LIN52: variants seen among roughly 807,000 people sequenced by gnomAD.
LIN52 encodes lin-52 DREAM MuvB core complex component.
Under a neutral mutation model 18.5 loss-of-function variants are expected in LIN52, and 4 were observed. The observed-to-expected ratio is 0.22, with a 90% CI of 0.11 to 0.49. The LOEUF (loss-of-function observed/expected upper bound fraction) is 0.49, where lower values mean the gene tolerates loss of function less well. Among genes scored for constraint, LIN52 ranks in the 20% least tolerant of loss-of-function variants. The probability of loss-of-function intolerance (pLI) is 0.97; values close to 1 mark genes in which losing one functional copy is unlikely to be tolerated. For missense variants in LIN52, 102 were observed against 139.5 expected, an observed-to-expected ratio of 0.73 and a Z score of 1.35; for synonymous variants, 34 against 45.5, an observed-to-expected ratio of 0.75 and a Z score of 1.02.
chr14:74,194,906 A>T (rs1001841411), intron 5 of LIN52, among the ~76,000 whole-genome samples: 1 of 152,226 alleles, frequency 6.6e-6, no homozygotes, highest in African/African-American at 2.4e-5. Flanking sequence ...GCACTTTGGG[A>T]GGCCAAGGCG....
intron 5 of LIN52, among the ~76,000 whole-genome samples, chr14:74,147,373 A>ATATGC (rs1187875990): frequency 6.6e-6 from 1 of 152,194 alleles, no homozygotes; most frequent in Non-Finnish European, 1.5e-5. Context: ...AAGAGCTGAA[A>ATATGC]CTATAGAACA....
intron 5 of LIN52, among the ~76,000 whole-genome samples, chr14:74,176,963 G>C (rs142580237): frequency 6.7e-6 from 1 of 149,424 alleles, no homozygotes; most frequent in Non-Finnish European, 1.5e-5. Flanking sequence ...ACTATGTTTT[G>C]TTTATTCATT....
chr14:74,085,018 G>T lies in LIN52; in HGVS notation c.19+25G>T, dbSNP rs115302140. 2,788 of 1,373,996 alleles carry T rather than the reference G, an allele frequency of 2.0e-3. 47 individuals are homozygous for T. The African/African-American group carries it at 0.036, about 18-fold the overall frequency. 85.1% of individuals were successfully genotyped at this position (1,373,996 alleles called of 1,614,324 possible). ...GGTAAGAGCCGGCTTAGAGATCTTT[G>T]CCTGCAGCCTCCTTCTTTGCTCTAC... is the stretch of plus-strand genomic sequence containing the variant. On this transcript the variant is annotated intron_variant, in intron 1 of 5. Transcript: ENST00000555028.
At chr14:74,150,723 C>T (rs1394608522) in intron 5 of LIN52, among the ~76,000 whole-genome samples, 1 of 152,138 alleles carries the variant, frequency 6.6e-6, no homozygotes, top group Non-Finnish European at 1.5e-5. Context: ...AATGAATACA[C>T]TCTAAGGGCT....
At chr14:74,102,952 A>G (rs1315785486) in intron 5 of LIN52, among the ~76,000 whole-genome samples, 1 of 152,196 alleles carries the variant, frequency 6.6e-6, no homozygotes, top group East Asian at 1.9e-4. Flanking sequence ...CATATAGCCA[A>G]TCTTGTTTTA....
chr14:74,157,326 C>T (rs888900310), intron 5 of LIN52, among the ~76,000 whole-genome samples: 1 of 152,070 alleles, frequency 6.6e-6, no homozygotes, highest in Non-Finnish European at 1.5e-5. Context: ...AGCCACCACA[C>T]CTGGCCTCCA....
At chr14:74,124,699 A>T (rs1405410239) in intron 5 of LIN52, among the ~76,000 whole-genome samples, 2 of 150,640 alleles carry the variant, frequency 1.3e-5, no homozygotes, top group African/African-American at 2.4e-5. Flanking sequence ...AATCCCAGCT[A>T]CTCAGTGGGG....
Position 74,156,854 on chromosome 14 carries a change from A to G in LIN52, c.284-42068A>G, listed in dbSNP as rs76396909. On this transcript the variant is annotated intron_variant, in intron 5 of 5. Transcript: ENST00000555028. Reference sequence around the variant, plus strand: ...CACTATTCTACTCTGTACTTAGGAGATCAACTTTTTTAGCTTTTACATATG... The same window carrying G: ...CACTATTCTACTCTGTACTTAGGAGGTCAACTTTTTTAGCTTTTACATATG... Among the ~76,000 whole-genome samples the G allele has an allele frequency of 2.0e-5, 3 of 151,822 alleles. No individual in the cohort carries two copies. The South Asian group carries it at 6.2e-4, about 32-fold the overall frequency.
intron 5 of LIN52, among the ~76,000 whole-genome samples, chr14:74,149,915 G>C (rs1462096063): frequency 2.0e-5 from 3 of 152,108 alleles, no homozygotes; most frequent in Non-Finnish European, 4.4e-5. Flanking sequence ...GTCTGGAAAG[G>C]TCTTGTGTTA....
chr14:74,108,399 A>G (rs2060909595), intron 5 of LIN52, among the ~76,000 whole-genome samples: 1 of 152,176 alleles, frequency 6.6e-6, no homozygotes, highest in Admixed American at 6.6e-5. Context: ...TTATAGCTAG[A>G]GGTGGAATTC....
chr14:74,118,671 G>T (rs2060978392), intron 5 of LIN52, among the ~76,000 whole-genome samples: 1 of 152,162 alleles, frequency 6.6e-6, no homozygotes, highest in African/African-American at 2.4e-5. Flanking sequence ...CTACTTGGGA[G>T]GCTGAGGTGG....
intron 5 of LIN52, among the ~76,000 whole-genome samples, chr14:74,150,588 A>G (rs946369992): frequency 4.6e-5 from 7 of 152,128 alleles, no homozygotes; most frequent in African/African-American, 1.4e-4. Flanking sequence ...ATGATTCTCT[A>G]TGTACCTATA....
chr14:74,151,205 A>G (rs2061175535), intron 5 of LIN52, among the ~76,000 whole-genome samples: 1 of 152,224 alleles, frequency 6.6e-6, no homozygotes, highest in African/African-American at 2.4e-5. Context: ...GTGGGAATGA[A>G]GAAAAGTCAC....
At chr14:74,116,454 C>T (rs2060965245) in intron 5 of LIN52, among the ~76,000 whole-genome samples, 1 of 152,010 alleles carries the variant, frequency 6.6e-6, no homozygotes, top group Non-Finnish European at 1.5e-5. Flanking sequence ...GCCTGTAATC[C>T]CAGCACTTTG....
chr14:74,174,108 C>G (rs2061282245), intron 5 of LIN52, among the ~76,000 whole-genome samples: 1 of 152,188 alleles, frequency 6.6e-6, no homozygotes, highest in Admixed American at 6.5e-5. Flanking sequence ...ACATCTCCCA[C>G]TTTTAAAAGG....
intron 5 of LIN52, among the ~76,000 whole-genome samples, chr14:74,145,193 C>T (rs1429247082): frequency 2.0e-5 from 3 of 152,186 alleles, no homozygotes; most frequent in South Asian, 4.1e-4. Flanking sequence ...TCCATTAGAA[C>T]GTTGACTAAA....
intron 1 of LIN52, among the ~76,000 whole-genome samples, chr14:74,088,829 G>C (rs1330896185): frequency 6.6e-6 from 1 of 152,194 alleles, no homozygotes; most frequent in Non-Finnish European, 1.5e-5. Context: ...CAACTGGTTA[G>C]CATACTGAGC....
At chr14:74,094,155 G>A (rs1253542178) in intron 2 of LIN52, among the ~76,000 whole-genome samples, 3 of 151,854 alleles carry the variant, frequency 2.0e-5, no homozygotes, top group Non-Finnish European at 2.9e-5. Flanking sequence ...ATCTTGGTAT[G>A]TGTATGTCTA....
intron 5 of LIN52, among the ~76,000 whole-genome samples, chr14:74,181,494 G>T (rs1286328950): frequency 2.6e-5 from 4 of 151,268 alleles, no homozygotes; most frequent in Non-Finnish European, 5.9e-5. Flanking sequence ...TAATTAACCA[G>T]ATTTTCCCCC....
Sources: gnomAD v4.1 joint callset for allele counts (sites outside exome capture counted in the v4.1 genomes callset) on GRCh38, gnomAD v4.1.1 for gene constraint, MANE v1.5 for transcripts, NCBI Gene and HGNC (gene_info 2026-07-23, HGNC 2026-07-21) for gene names.